The following FER1L6 variants were observed in gnomAD, a reference collection of about 807,000 sequenced individuals.
FER1L6 encodes fer-1-like protein 6.
A neutral mutation model predicts 219.2 loss-of-function variants in FER1L6; 177 were observed. The observed-to-expected ratio is 0.81, with a 90% CI of 0.71 to 0.91. FER1L6 has a LOEUF of 0.91. Ranked by LOEUF, FER1L6 falls within the 40% of genes least tolerant of loss-of-function variation. The pLI is 0.00. For missense variants in FER1L6, 2,153 were observed against 2,259.9 expected (o/e 0.95, Z 0.96); for synonymous variants, 768 against 824.3 (o/e 0.93, Z 1.17).
chr8:124,043,506 C>T (rs770230978), intron 20 of FER1L6, among the ~76,000 whole-genome samples: 2 of 152,044 alleles, frequency 1.3e-5, no homozygotes, highest in Admixed American at 6.6e-5. Context: ...AGAAATGAGG[C>T]GAATTATAGG....
intron 1 of FER1L6, among the ~76,000 whole-genome samples, chr8:123,954,427 T>C (rs1480163161): frequency 6.6e-6 from 1 of 152,070 alleles, no homozygotes; most frequent in Admixed American, 6.5e-5. Context: ...CTTAATTCCT[T>C]ATCTGAATTA....
chr8:124,095,159 T>G (rs1014684166), intron 35 of FER1L6, 121 bp downstream of exon 35: 1 of 1,349,620 alleles, frequency 7.4e-7, no homozygotes, highest in Non-Finnish European at 1.0e-6. Flanking sequence ...GGAATCATTT[T>G]GTGTTGTCAC....
In FER1L6 at chr8:124,071,781, G is replaced by T. The variant is rs939572470; in HGVS notation, c.4092+150G>T. ...AGTCTATAATCAAGTTGCTACCAGG[G>T]TTGGTGTCTTGTGAGGCCTCTCTTG... On this transcript the variant is annotated intron_variant, in intron 31 of 40. Coordinates refer to ENST00000522917, the MANE Select transcript of FER1L6 (RefSeq NM_001039112.2). 15 of 1,062,370 alleles carry T rather than the reference G, an allele frequency of 1.4e-5. No individual in the cohort carries two copies. The African/African-American group carries it at 2.4e-4, about 17-fold the overall frequency. 65.8% of individuals were successfully genotyped at this position (1,062,370 alleles called of 1,614,324 possible).
At chr8:123,865,269 G>C (rs1240189758) in intron 1 of FER1L6, among the ~76,000 whole-genome samples, 1 of 149,940 alleles carries the variant, frequency 6.7e-6, no homozygotes, top group Non-Finnish European at 1.5e-5. Context: ...CCCTGCTGGG[G>C]GGTGCCTCCC....
chr8:124,091,997 T>C (rs1040676050), intron 34 of FER1L6, among the ~76,000 whole-genome samples: 6 of 151,026 alleles, frequency 4.0e-5, no homozygotes, highest in African/African-American at 1.5e-4. Context: ...AAGTAATGCA[T>C]GCTTATAGTA....
chr8:124,035,187 G>A (rs1258157022), intron 18 of FER1L6, 90 bp from the exon 19 acceptor site: 7 of 1,346,846 alleles, frequency 5.2e-6, no homozygotes, highest in Non-Finnish European at 7.2e-6. Context: ...ACTTCCAGGT[G>A]TGTCTCCAGG....
chr8:123,954,883 T>G (rs6993220), intron 1 of FER1L6, among the ~76,000 whole-genome samples: 4,981 of 152,264 alleles, frequency 0.033, 249 homozygotes, highest in African/African-American at 0.11. Flanking sequence ...TCTCCTCCCT[T>G]CGCCTCCAAA....
chr8:123,934,152 C>T (rs1813893234), intron 1 of FER1L6, among the ~76,000 whole-genome samples: 1 of 152,152 alleles, frequency 6.6e-6, no homozygotes, highest in African/African-American at 2.4e-5. Context: ...ACTCTGTCAC[C>T]CAGGCTGCTG....
At chr8:123,907,004 T>A (rs569529481) in intron 1 of FER1L6, among the ~76,000 whole-genome samples, 1 of 152,276 alleles carries the variant, frequency 6.6e-6, no homozygotes, top group East Asian at 1.9e-4. Flanking sequence ...ATTTTAAGCT[T>A]TGTGGTCCAC....
At chr8:123,964,395 G>C (rs1298142189) in intron 3 of FER1L6, among the ~76,000 whole-genome samples, 2 of 152,114 alleles carry the variant, frequency 1.3e-5, no homozygotes. Context: ...ATCCTGAGTT[G>C]TTGTTTCTGG....
At chr8:124,055,146 T>G (rs1820227057) in intron 22 of FER1L6, among the ~76,000 whole-genome samples, 1 of 152,130 alleles carries the variant, frequency 6.6e-6, no homozygotes, top group Non-Finnish European at 1.5e-5. Context: ...AGACTCACAG[T>G]AAAATATTTT....
intron 2 of FER1L6, among the ~76,000 whole-genome samples, chr8:123,957,824 GA>G (rs984359376): frequency 3.9e-5 from 6 of 152,158 alleles, no homozygotes; most frequent in African/African-American, 1.4e-4. Context: ...GGGCAGGGAG[GA>G]ATCAGGGCCC....
rs1200143249 is a variant in FER1L6 at position 123,865,611 on chromosome 8, C to T, written c.-8+13426C>T. 1.2e-3 allele frequency among the ~76,000 whole-genome samples: 177 copies of T among 151,268 alleles called. 2 individuals are homozygous for T. Among genetic ancestry groups the T allele is most frequent in the Non-Finnish European group, 1.6e-3 (109 of 67,998 alleles). ...GCCACCTTGCAGTTTGATCTCAGAC[C>T]GCTGTGCTAGCAATCAGCGAGATTC... On this transcript the variant is annotated intron_variant, in intron 1 of 40. Coordinates refer to ENST00000522917, the MANE Select transcript of FER1L6 (RefSeq NM_001039112.2).
At chr8:123,917,036 A>G (rs888656674) in intron 1 of FER1L6, among the ~76,000 whole-genome samples, 3 of 152,212 alleles carry the variant, frequency 2.0e-5, no homozygotes, top group Admixed American at 2.0e-4. Context: ...GACTGCAGAG[A>G]ATAGCAATTC....
intron 21 of FER1L6, among the ~76,000 whole-genome samples, chr8:124,048,602 G>C (rs182638088): frequency 6.6e-6 from 1 of 152,300 alleles, no homozygotes; most frequent in African/African-American, 2.4e-5. Flanking sequence ...AAATAGGGCA[G>C]GACTGCCCCA....
At chr8:124,062,544 T>C (rs997584460) in intron 25 of FER1L6, among the ~76,000 whole-genome samples, 1 of 152,228 alleles carries the variant, frequency 6.6e-6, no homozygotes, top group Admixed American at 6.5e-5. Flanking sequence ...TGCTATAATT[T>C]TCATTTGTTT....
In FER1L6 at chr8:123,952,098, TTTAATAGTTCAGC is replaced by T. The variant is rs879795677; in HGVS notation, c.-7-3893_-7-3881del. Reference sequence around the variant, plus strand: ...CATTACATTAGCTACGTGTACAGCTTTTAATAGTTCAGCATGAGGGATCAATAAGGTCATCTAT... The same window carrying T: ...CATTACATTAGCTACGTGTACAGCTTATGAGGGATCAATAAGGTCATCTAT... On this transcript the variant is annotated intron_variant, in intron 1 of 40. Transcript: ENST00000522917. 2.9e-3 allele frequency among the ~76,000 whole-genome samples: 440 copies of T among 152,198 alleles called. 1 individual carries two copies. Among genetic ancestry groups the T allele is most frequent in the Non-Finnish European group, 4.6e-3 (314 of 67,980 alleles).
At chr8:123,953,596 A>G (rs1814876727) in intron 1 of FER1L6, among the ~76,000 whole-genome samples, 1 of 152,178 alleles carries the variant, frequency 6.6e-6, no homozygotes, top group Non-Finnish European at 1.5e-5. Flanking sequence ...TGGCTTCCCT[A>G]CAGGAGAACT....
Position 123,976,005 on chromosome 8 carries a change from C to T in FER1L6, c.791C>T (p.Ala264Val), listed in dbSNP as rs200641557. The change falls in exon 9 of 41, where the codon GCG (alanine) becomes GTG (valine). Residue 264 changes from alanine to valine, a missense_variant. Physicochemically the swap from Ala to Val is moderately conservative, Grantham distance 64. Transcript: ENST00000522917. ...GLPKMNSSIM[A>V]NVTKAFVGDS... is the part of the protein sequence containing the mutation. ...CCCAAAATGAATTCAAGCATCATGG[C>T]GAACGTCACCAAGGCATTTGTGGGT... 1.9e-4 allele frequency: 303 copies of T among 1,613,884 alleles called. 3 individuals are homozygous for T. Among genetic ancestry groups the T allele is most frequent in the Middle Eastern group, 1.6e-4 (1 of 6,082 alleles).
Sources: gnomAD v4.1 joint callset for allele counts (sites outside exome capture counted in the v4.1 genomes callset) on GRCh38, gnomAD v4.1.1 for gene constraint, MANE v1.5 for transcripts, NCBI Gene and HGNC (gene_info 2026-07-23, HGNC 2026-07-21) for gene names.